COL4A2: variants seen among roughly 807,000 people sequenced by gnomAD.
The protein encoded by COL4A2 is collagen alpha-2(IV) chain.
In COL4A2, 99 loss-of-function variants were observed where a neutral mutation model predicts 200.2. The observed-to-expected ratio is 0.49, with a 90% confidence interval of 0.42 to 0.58. COL4A2 has a LOEUF of 0.58. COL4A2 is among the 20% of genes least tolerant of loss of function. COL4A2 has a pLI of 0.00. For synonymous variants in COL4A2, 897 were observed against 900.6 expected, an observed-to-expected ratio of 1.00 and a Z score of 0.07; for missense variants, 1,950 against 2,314.1, an observed-to-expected ratio of 0.84 and a Z score of 3.23.
intron 4 of COL4A2, among the ~76,000 whole-genome samples, chr13:110,402,684 CTCT>C (rs879778858): frequency 3.3e-5 from 5 of 152,244 alleles, no homozygotes; most frequent in African/African-American, 4.8e-5. Flanking sequence ...TTCTGCAACT[CTCT>C]TCTTCTTATG....
intron 15 of COL4A2, among the ~76,000 whole-genome samples, 189 bp downstream of exon 15, chr13:110,438,857 G>A (rs1881015016): frequency 7.3e-6 from 1 of 136,498 alleles, no homozygotes; most frequent in Non-Finnish European, 1.5e-5. Context: ...TAGCACTGGG[G>A]GCTGCGCTGG....
chr13:110,347,747 G>A (rs1876772567), intron 3 of COL4A2, among the ~76,000 whole-genome samples: 2 of 152,240 alleles, frequency 1.3e-5, no homozygotes, highest in Admixed American at 1.3e-4. Context: ...TGTCAGAGGT[G>A]GCCCTGCCAA....
intron 22 of COL4A2, among the ~76,000 whole-genome samples, chr13:110,461,340 C>T (rs764319945): frequency 1.3e-5 from 2 of 152,128 alleles, no homozygotes; most frequent in Admixed American, 6.5e-5. Flanking sequence ...CAAAAGGCAC[C>T]GAGCCCGTGG....
intron 4 of COL4A2, among the ~76,000 whole-genome samples, chr13:110,408,824 TGC>T (rs1879689760): frequency 7.4e-5 from 8 of 108,418 alleles, no homozygotes; most frequent in Admixed American, 9.1e-5. Flanking sequence ...CACACACACA[TGC>T]ACACACACAT....
At chr13:110,478,456 G>T (rs1882776836) in intron 30 of COL4A2, among the ~76,000 whole-genome samples, 1 of 152,252 alleles carries the variant, frequency 6.6e-6, no homozygotes, top group South Asian at 2.1e-4. Flanking sequence ...CTGCTCTGAT[G>T]TGGAGAGGAG....
At chr13:110,466,326 C>G (rs1465519013) in intron 26 of COL4A2, among the ~76,000 whole-genome samples, 2 of 152,182 alleles carry the variant, frequency 1.3e-5, no homozygotes, top group Non-Finnish European at 2.9e-5. Context: ...CAACTCAGCT[C>G]CACAGGCACG....
At chr13:110,371,071 T>C (rs984804199) in intron 4 of COL4A2, among the ~76,000 whole-genome samples, 1 of 152,202 alleles carries the variant, frequency 6.6e-6, no homozygotes, top group Non-Finnish European at 1.5e-5. Flanking sequence ...ATGTCAGTTA[T>C]CTTGGAAGGA....
At chr13:110,474,872 A>G (rs1481803859) in intron 29 of COL4A2, among the ~76,000 whole-genome samples, 1 of 117,528 alleles carries the variant, frequency 8.5e-6, no homozygotes, top group Admixed American at 9.3e-5. Flanking sequence ...CACTCCATAC[A>G]CACACGTACC....
At chr13:110,325,753 T>C (rs1363287832) in intron 3 of COL4A2, among the ~76,000 whole-genome samples, 2 of 152,174 alleles carry the variant, frequency 1.3e-5, no homozygotes, top group African/African-American at 4.8e-5. Context: ...AAACAGGCAC[T>C]TCCTGCCTTA....
chr13:110,491,396 G>C, intron 37 of COL4A2, 56 bp downstream of exon 37: 1 of 1,204,834 alleles, frequency 8.3e-7, no homozygotes, highest in Non-Finnish European at 1.2e-6. Flanking sequence ...GGAGACCCCA[G>C]AACAAAGGCG....
chr13:110,383,618 T>C (rs925129416), intron 4 of COL4A2, among the ~76,000 whole-genome samples: 2 of 140,788 alleles, frequency 1.4e-5, no homozygotes, highest in African/African-American at 5.3e-5. Flanking sequence ...TTTTTTTTTT[T>C]TTTTTTTTTT....
chr13:110,399,215 C>T (rs904448902), intron 4 of COL4A2, among the ~76,000 whole-genome samples: 13 of 152,224 alleles, frequency 8.5e-5, no homozygotes, highest in Admixed American at 7.8e-4. Flanking sequence ...GCACAGGAGC[C>T]CAAGGTTAAA....
At chr13:110,503,308 A>G in intron 42 of COL4A2, 26 bp downstream of exon 42, 1 of 1,595,052 alleles carries the variant, frequency 6.3e-7, no homozygotes, top group Non-Finnish European at 8.5e-7. Flanking sequence ...GCCATGGGCC[A>G]GCAGCCCTGG....
chr13:110,474,700 TG>T (rs1385221721), intron 29 of COL4A2, among the ~76,000 whole-genome samples: 1 of 120,444 alleles, frequency 8.3e-6, no homozygotes, highest in Non-Finnish European at 1.9e-5. Flanking sequence ...CACACGTGCC[TG>T]TGTACACTCA....
In COL4A2 at chr13:110,439,786, C is replaced by T; in HGVS notation, c.913-3C>T. The T allele has an allele frequency of 2.5e-6, 4 of 1,613,540 alleles. No homozygotes were observed. Among genetic ancestry groups the T allele is most frequent in the Non-Finnish European group, 3.4e-6 (4 of 1,179,868 alleles). The stretch of plus-strand genomic sequence containing the variant: ...GTTTGCTTCTGTTTTTTGTTCATTC[C>T]AGGGTTACCCTGGCTTGAGTGGTGA... On this transcript the variant is annotated splice_region_variant and splice_polypyrimidine_tract_variant and intron_variant, in intron 15 of 47. Transcript: ENST00000360467.
At chr13:110,438,451 T>C in intron 14 of COL4A2, 167 bp from the exon 15 acceptor site, 1 of 907,164 alleles carries the variant, frequency 1.1e-6, no homozygotes, top group Non-Finnish European at 1.8e-6. Flanking sequence ...CTGGCGGGTC[T>C]CCTAGGACCG....
chr13:110,433,115 C>A (rs1026762356), intron 11 of COL4A2, among the ~76,000 whole-genome samples: 15 of 152,252 alleles, frequency 9.9e-5, no homozygotes, highest in African/African-American at 3.4e-4. Context: ...CACACGTTGC[C>A]ATGCCTGCCC....
chr13:110,471,133 G>A (rs778339546), intron 28 of COL4A2, among the ~76,000 whole-genome samples: 1 of 152,250 alleles, frequency 6.6e-6, no homozygotes, highest in Admixed American at 6.5e-5. Context: ...GATTTTGAGA[G>A]AAGGATAATA....
intron 4 of COL4A2, among the ~76,000 whole-genome samples, chr13:110,358,878 A>C (rs1240737377): frequency 6.6e-6 from 1 of 152,218 alleles, no homozygotes; most frequent in Non-Finnish European, 1.5e-5. Context: ...ATTGAGAGCA[A>C]TTTTAATTTT....
Sources: gnomAD v4.1 joint callset for allele counts (sites outside exome capture counted in the v4.1 genomes callset) on GRCh38, gnomAD v4.1.1 for gene constraint, MANE v1.5 for transcripts, NCBI Gene and HGNC (gene_info 2026-07-23, HGNC 2026-07-21) for gene names.